FAM20C: variants seen among roughly 807,000 people sequenced by gnomAD.
The protein encoded by FAM20C is FAM20C golgi associated secretory pathway kinase, also known as extracellular serine/threonine protein kinase FAM20C.
FAM20C carries 40 observed loss-of-function variants against 51.5 expected under a neutral mutation model. The ratio of observed to expected loss-of-function variants is 0.78; its 90% confidence interval spans 0.60 to 1.01. The LOEUF is 1.01. FAM20C is among the 50% of genes least tolerant of loss of function. The probability of loss-of-function intolerance (pLI) is 0.00; values close to 1 mark genes in which losing one functional copy is unlikely to be tolerated. For missense variants in FAM20C, 861 were observed against 844.7 expected (o/e 1.02, Z -0.24); for synonymous variants, 406 against 380.6 (o/e 1.07, Z -0.78).
Position 256,604 on chromosome 7 carries a change from G to T in FAM20C, c.1254-50G>T, listed in dbSNP as rs373380352. 53 of 1,444,652 alleles carry T rather than the reference G, an allele frequency of 3.7e-5. No homozygotes were observed. The East Asian group carries it at 8.7e-4, about 24-fold the overall frequency. 89.5% of individuals were successfully genotyped at this position (1,444,652 alleles called of 1,614,324 possible). On this transcript the variant is annotated intron_variant, in intron 6 of 9. Transcript: ENST00000313766. ...TTCTGCTCCTCATGGCACGCGCCGGGCTCCCCAGAATCTGGCCTGGGCCCC... is the reference window on the plus strand; with the variant it reads ...TTCTGCTCCTCATGGCACGCGCCGGTCTCCCCAGAATCTGGCCTGGGCCCC...
chr7:255,750 G>A, intron 5 of FAM20C, 99 bp from the exon 6 acceptor site: 1 of 1,314,088 alleles, frequency 7.6e-7, no homozygotes, highest in Non-Finnish European at 1.1e-6. Context: ...CCCATGAGAA[G>A]CACCAGGCAG....
chr7:255,017 C>G (rs970950183), intron 5 of FAM20C, among the ~76,000 whole-genome samples: 1 of 152,230 alleles, frequency 6.6e-6, no homozygotes, highest in African/African-American at 2.4e-5. Flanking sequence ...GGTGGATTCT[C>G]TCTTTTTCGG....
chr7:246,402 C>G lies in FAM20C; in HGVS notation c.864-13C>G. Reference sequence around the variant, plus strand: ...AGTGACAAACCGTTTCTGTTTCTGTCTTGTTTTCTCAGACAAACGAGGGAG... The same window carrying G: ...AGTGACAAACCGTTTCTGTTTCTGTGTTGTTTTCTCAGACAAACGAGGGAG... On this transcript the variant is annotated splice_polypyrimidine_tract_variant and intron_variant, in intron 3 of 9. Transcript: ENST00000313766. The G allele has an allele frequency of 7.1e-7, 1 of 1,408,384 alleles. No individual in the cohort carries two copies. The highest frequency in any genetic ancestry group is 9.3e-7 in the Non-Finnish European group (1 of 1,073,072). The allele number at this position is 1,408,384 out of a possible 1,614,324, so 87.2% of individuals were successfully genotyped here. A position where few individuals can be genotyped will look rare whatever the true frequency, so the allele number is the denominator to read the frequency against.
chr7:229,290 T>G, intron 3 of FAM20C: 1 of 217,342 alleles, frequency 4.6e-6, no homozygotes, highest in Non-Finnish European at 9.4e-6. Flanking sequence ...TGCAATGTGT[T>G]CTGGCTGGTG....
intron 1 of FAM20C, chr7:194,084 G>A: frequency 4.9e-6 from 2 of 406,784 alleles, no homozygotes; most frequent in Non-Finnish European, 8.7e-6. Context: ...GACCAGCCGT[G>A]GTCACCAGCT....
intron 3 of FAM20C, among the ~76,000 whole-genome samples, chr7:214,501 C>T (rs977208689): frequency 2.6e-5 from 4 of 152,168 alleles, no homozygotes; most frequent in South Asian, 2.1e-4. Context: ...AAGAGTGGTG[C>T]GGGAGGCGGT....
chr7:200,457 G>C (rs574774885), intron 2 of FAM20C, among the ~76,000 whole-genome samples: 2 of 152,302 alleles, frequency 1.3e-5, no homozygotes, highest in Admixed American at 6.5e-5. Flanking sequence ...CTTCCCAGCC[G>C]TCTGGTGGAA....
intron 8 of FAM20C, among the ~76,000 whole-genome samples, chr7:257,817 CG>C (rs1270823728): frequency 3.3e-3 from 187 of 56,408 alleles, no homozygotes; most frequent in African/African-American, 0.013. Context: ...ACCCACTGCC[CG>C]GGGTGCTGGA....
intron 9 of FAM20C, among the ~76,000 whole-genome samples, chr7:259,343 G>A (rs150502882): frequency 0.098 from 14,982 of 152,222 alleles, 955 homozygotes; most frequent in Non-Finnish European, 0.14. Flanking sequence ...GGTGAGAGGC[G>A]GCAGACCACG....
At chr7:258,794 C>G in intron 9 of FAM20C, 89 bp downstream of exon 9, 9 of 1,258,956 alleles carry the variant, frequency 7.1e-6, no homozygotes, top group African/African-American at 1.5e-5. Flanking sequence ...CCACCCCACC[C>G]CGGCCATCAC....
rs1455100213 is a variant in FAM20C, at chr7:229,015, C to G, written c.864-17400C>G. 1.3e-4 allele frequency: 46 copies of G among 360,152 alleles called. 1 individual carries two copies. Among genetic ancestry groups the G allele is most frequent in the South Asian group, 8.9e-4 (44 of 49,448 alleles). 22.3% of individuals were successfully genotyped at this position (360,152 alleles called of 1,614,324 possible). ...GACCCGTAGTCGGGCCACACCCTGCCCCACCCACGCACCCCACCCCCCCAC... is the reference window on the plus strand; with the variant it reads ...GACCCGTAGTCGGGCCACACCCTGCGCCACCCACGCACCCCACCCCCCCAC... On this transcript the variant is annotated intron_variant, in intron 3 of 9. Coordinates refer to ENST00000313766, the MANE Select transcript of FAM20C (RefSeq NM_020223.4).
intron 2 of FAM20C, among the ~76,000 whole-genome samples, chr7:206,858 C>T (rs1421890383): frequency 2.9e-5 from 2 of 69,044 alleles, no homozygotes; most frequent in African/African-American, 8.1e-5. Context: ...TGTGAGGCGT[C>T]GGTCACGGTC....
chr7:235,717 G>A (rs902239015), intron 3 of FAM20C, among the ~76,000 whole-genome samples: 85,821 of 151,964 alleles, frequency 0.56, 25,457 homozygotes, highest in African/African-American at 0.76. Context: ...TGGGAGGGAC[G>A]GTCTGTCTGG....
chr7:254,796 C>A (rs977428109), intron 5 of FAM20C, among the ~76,000 whole-genome samples: 1 of 152,226 alleles, frequency 6.6e-6, no homozygotes, highest in Non-Finnish European at 1.5e-5. Context: ...GCGTCCCACC[C>A]CCAGTCTATC....
At chr7:231,434 G>A (rs960327793) in intron 3 of FAM20C, among the ~76,000 whole-genome samples, 2 of 150,954 alleles carry the variant, frequency 1.3e-5, no homozygotes, top group Non-Finnish European at 3.0e-5. Context: ...GGGTCCTGGC[G>A]TGGAGGGCCC....
intron 5 of FAM20C, among the ~76,000 whole-genome samples, chr7:250,010 CA>C (rs1489108400): frequency 1.3e-5 from 2 of 152,334 alleles, no homozygotes; most frequent in East Asian, 3.9e-4. Flanking sequence ...GCAAGGTCCC[CA>C]CTGGGGAGGG....
At chr7:256,810 G>A in intron 7 of FAM20C, 47 bp downstream of exon 7, 1 of 1,508,542 alleles carries the variant, frequency 6.6e-7, no homozygotes, top group Non-Finnish European at 8.9e-7. Flanking sequence ...CGCCTTGCGT[G>A]GAGCGGATGC....
chr7:206,440 T>G (rs975097186), intron 2 of FAM20C, among the ~76,000 whole-genome samples: 3 of 151,812 alleles, frequency 2.0e-5, no homozygotes, highest in Non-Finnish European at 4.4e-5. Context: ...CCATCCCACC[T>G]TTGCACCCTC....
intron 3 of FAM20C, chr7:229,067 A>G: frequency 3.9e-6 from 1 of 256,960 alleles, no homozygotes; most frequent in South Asian, 2.3e-5. Flanking sequence ...TGTCAGCCCC[A>G]CGGGGGCCAC....
Sources: allele counts gnomAD v4.1 joint callset (sites outside exome capture counted in the v4.1 genomes callset), GRCh38; gene constraint gnomAD v4.1.1; transcripts MANE v1.5; gene names NCBI Gene and HGNC (gene_info 2026-07-23, HGNC 2026-07-21).